FAT3: variants seen among roughly 807,000 people sequenced by gnomAD.
FAT3 encodes the protein protocadherin Fat 3.
FAT3 carries 95 observed loss-of-function variants against 310.2 expected under a neutral mutation model. The observed-to-expected ratio is 0.31, with a 90% CI of 0.26 to 0.36. The LOEUF (loss-of-function observed/expected upper bound fraction) is 0.36. Ranked by LOEUF, FAT3 falls within the 10% of genes least tolerant of loss-of-function variation. The pLI is 1.00. For missense variants in FAT3, 5,408 were observed against 5,715.6 expected (o/e 0.95, Z 1.74); for synonymous variants, 2,314 against 2,192.9 (o/e 1.06, Z -1.54).
At chr11:92,543,684 T>G (rs1160882584) in intron 3 of FAT3, among the ~76,000 whole-genome samples, 1 of 152,216 alleles carries the variant, frequency 6.6e-6, no homozygotes, top group Non-Finnish European at 1.5e-5. Flanking sequence ...GGGTTTGATC[T>G]GTAACATGAA....
At chr11:92,792,663 A>G in intron 8 of FAT3, 104 bp from the exon 9 acceptor site, 1 of 1,087,178 alleles carries the variant, frequency 9.2e-7, no homozygotes, top group African/African-American at 1.6e-5. Context: ...TGGGTCAAGC[A>G]CTTTGCGTGC....
intron 3 of FAT3, among the ~76,000 whole-genome samples, chr11:92,627,139 G>A (rs1342981440): frequency 6.6e-6 from 1 of 152,132 alleles, no homozygotes; most frequent in Non-Finnish European, 1.5e-5. Flanking sequence ...AATACTTGGG[G>A]TCTTCTTTGA....
rs559301640 is a variant in FAT3, at chr11:92,629,565, C to T, written c.3608-67819C>T. Among the ~76,000 whole-genome samples, 6 of 152,144 alleles carry T rather than the reference C, an allele frequency of 3.9e-5. No homozygotes were observed. In the East Asian group the frequency reaches 1.2e-3, roughly 30 times the overall value. On this transcript the variant is annotated intron_variant, in intron 3 of 27. Transcript: ENST00000525166. The stretch of plus-strand genomic sequence containing the variant: ...AGCTAGGACTATAGGCACGTGCCAC[C>T]ACATCCAGATAATTTTTAAATTCTT...
At chr11:92,526,988 T>C (rs545396008) in intron 3 of FAT3, among the ~76,000 whole-genome samples, 3 of 152,342 alleles carry the variant, frequency 2.0e-5, no homozygotes, top group South Asian at 2.1e-4. Flanking sequence ...AAACTTAAGA[T>C]ATGGTCCCAG....
intron 1 of FAT3, among the ~76,000 whole-genome samples, chr11:92,265,820 C>A (rs1048999435): frequency 6.6e-6 from 1 of 152,066 alleles, no homozygotes; most frequent in Non-Finnish European, 1.5e-5. Context: ...AGACTCTACC[C>A]TCATGATTTA....
At chr11:92,345,210 A>T (rs1417034481) in intron 1 of FAT3, among the ~76,000 whole-genome samples, 2 of 152,088 alleles carry the variant, frequency 1.3e-5, no homozygotes, top group African/African-American at 2.4e-5. Flanking sequence ...TTAATGGTGT[A>T]TGCTGACTAG....
At chr11:92,395,798 C>G (rs568212078) in intron 2 of FAT3, among the ~76,000 whole-genome samples, 34 of 152,120 alleles carry the variant, frequency 2.2e-4, no homozygotes, top group Admixed American at 2.2e-3. Context: ...AGGCTGGTCT[C>G]GAACTCCTGA....
intron 1 of FAT3, among the ~76,000 whole-genome samples, chr11:92,302,042 TACAC>T (rs145230719): frequency 4.6e-5 from 7 of 151,626 alleles, no homozygotes; most frequent in Non-Finnish European, 7.4e-5. Context: ...TGCATGCAGA[TACAC>T]ACACACACAC....
intron 2 of FAT3, among the ~76,000 whole-genome samples, chr11:92,516,904 A>G (rs866166736): frequency 1.3e-4 from 19 of 151,970 alleles, no homozygotes; most frequent in Middle Eastern, 6.8e-3. Flanking sequence ...TACAAAGAGA[A>G]TAAAATACAC....
At chr11:92,596,033 A>G (rs570115541) in intron 3 of FAT3, among the ~76,000 whole-genome samples, 1 of 152,306 alleles carries the variant, frequency 6.6e-6, no homozygotes, top group Admixed American at 6.5e-5. Flanking sequence ...AGCTAGTTGG[A>G]TCAAGAAAGT....
chr11:92,230,152 G>A (rs1392129803), intron 1 of FAT3, among the ~76,000 whole-genome samples: 1 of 152,086 alleles, frequency 6.6e-6, no homozygotes. Context: ...CTTTAATAAA[G>A]GAAAGTTGTT....
chr11:92,410,495 T>A (rs916858288), intron 2 of FAT3, among the ~76,000 whole-genome samples: 1 of 152,218 alleles, frequency 6.6e-6, no homozygotes, highest in African/African-American at 2.4e-5. Context: ...GATGCCCTAC[T>A]GCTGGACATA....
chr11:92,414,663 T>A (rs896015798), intron 2 of FAT3, among the ~76,000 whole-genome samples: 1 of 152,190 alleles, frequency 6.6e-6, no homozygotes, highest in African/African-American at 2.4e-5. Context: ...AATAAAAGGA[T>A]AATTTTCTCA....
intron 4 of FAT3, among the ~76,000 whole-genome samples, chr11:92,731,596 A>G (rs763824094): frequency 3.0e-4 from 46 of 152,108 alleles, no homozygotes; most frequent in Non-Finnish European, 5.3e-4. Flanking sequence ...TTGGTGACCT[A>G]TGCATAGCAA....
intron 2 of FAT3, among the ~76,000 whole-genome samples, chr11:92,482,667 G>A (rs568818245): frequency 6.6e-6 from 1 of 152,118 alleles, no homozygotes; most frequent in Admixed American, 6.5e-5. Flanking sequence ...TGCAGTTCTG[G>A]CAGCCCAATA....
chr11:92,789,564 G>C (rs749313228), intron 7 of FAT3, among the ~76,000 whole-genome samples: 8 of 152,012 alleles, frequency 5.3e-5, no homozygotes, highest in Non-Finnish European at 1.2e-4. Flanking sequence ...TGCCTCCACA[G>C]AGGTCCACCA....
At chr11:92,419,766 AAATGAGAATCAGG>A in intron 2 of FAT3, among the ~76,000 whole-genome samples, 1 of 152,182 alleles carries the variant, frequency 6.6e-6, no homozygotes, top group Non-Finnish European at 1.5e-5. Flanking sequence ...TAAAGGAGAT[AAATGAGAATCAGG>A]ATCTAGTGAG....
intron 7 of FAT3, among the ~76,000 whole-genome samples, chr11:92,780,163 CTTTT>C (rs34340740): frequency 7.4e-6 from 1 of 134,720 alleles, no homozygotes; most frequent in Admixed American, 7.7e-5. Context: ...TTTTTTTTTT[CTTTT>C]TTTTTTTTTT....
chr11:92,652,134 A>G (rs1942402294), intron 3 of FAT3, among the ~76,000 whole-genome samples: 1 of 152,162 alleles, frequency 6.6e-6, no homozygotes, highest in African/African-American at 2.4e-5. Flanking sequence ...ATTGAAACAC[A>G]GGGTTTAGTA....
Sources: allele counts gnomAD v4.1 joint callset (sites outside exome capture counted in the v4.1 genomes callset), GRCh38; gene constraint gnomAD v4.1.1; transcripts MANE v1.5; gene names NCBI Gene and HGNC (gene_info 2026-07-23, HGNC 2026-07-21).